The following LMX1B variants were observed in gnomAD, a reference collection of about 807,000 sequenced individuals.
The protein encoded by LMX1B is LIM homeobox transcription factor 1-beta.
In LMX1B, 12 loss-of-function variants were observed where a neutral mutation model predicts 51.4. The observed-to-expected ratio is 0.23, with a 90% CI of 0.15 to 0.38. The LOEUF is 0.38. LMX1B is among the 10% of genes least tolerant of loss of function. The pLI, the probability that LMX1B is intolerant of heterozygous loss-of-function variation, is 1.00. For synonymous variants in LMX1B, 237 were observed against 235.4 expected, an observed-to-expected ratio of 1.01 and a Z score of -0.06; for missense variants, 445 against 571.1, an observed-to-expected ratio of 0.78 and a Z score of 2.25.
Position 126,699,596 on chromosome 9 carries a change from T to C in LMX1B, c.*3145T>C, listed in dbSNP as rs548467801. ...GGCTCCCAGACACCAGTGCCCACTCTGCCCAGCCCCGGACTGGGTGTGGCT... is the reference window on the plus strand; with the variant it reads ...GGCTCCCAGACACCAGTGCCCACTCCGCCCAGCCCCGGACTGGGTGTGGCT... On this transcript the variant is annotated 3_prime_UTR_variant, in exon 8 of 8. Transcript: ENST00000373474. 1 of 152,824 alleles carries C rather than the reference T, an allele frequency of 6.5e-6. No homozygotes were observed. The highest frequency in any genetic ancestry group is 2.4e-5 in the African/African-American group (1 of 41,592). The allele number at this position is 152,824 out of a possible 1,614,324, so 9.5% of individuals were successfully genotyped here. A position where few individuals can be genotyped will look rare whatever the true frequency, so the allele number is the denominator to read the frequency against.
chr9:126,646,030 C>T (rs150266184), intron 2 of LMX1B, among the ~76,000 whole-genome samples: 8 of 152,210 alleles, frequency 5.3e-5, no homozygotes, highest in African/African-American at 1.4e-4. Flanking sequence ...CTTCCTGAGC[C>T]GATTATTAAA....
intron 2 of LMX1B, among the ~76,000 whole-genome samples, chr9:126,624,090 C>T (rs1480921116): frequency 6.6e-6 from 1 of 152,266 alleles, no homozygotes; most frequent in Non-Finnish European, 1.5e-5. Context: ...ACGGTCCTGC[C>T]CTTTCTAAAG....
chr9:126,664,360 G>A (rs574605834), intron 2 of LMX1B, among the ~76,000 whole-genome samples: 9 of 151,972 alleles, frequency 5.9e-5, no homozygotes, highest in East Asian at 5.8e-4. Flanking sequence ...AGTTACCCCC[G>A]CAGCGCAGCC....
chr9:126,694,875 G>T (rs1300921746), intron 6 of LMX1B, among the ~76,000 whole-genome samples: 1 of 152,004 alleles, frequency 6.6e-6, no homozygotes, highest in Non-Finnish European at 1.5e-5. Flanking sequence ...CCCTGAGAAG[G>T]TCCCACAGTC....
intron 3 of LMX1B, among the ~76,000 whole-genome samples, chr9:126,692,127 C>T (rs1413674771): frequency 6.6e-6 from 1 of 152,224 alleles, no homozygotes. Flanking sequence ...TTTCCATGGC[C>T]AGGGCCTGCG....
intron 6 of LMX1B, 176 bp downstream of exon 6, chr9:126,693,988 T>G (rs566125098): frequency 2.6e-4 from 152 of 583,848 alleles, no homozygotes; most frequent in Admixed American, 1.3e-3. Flanking sequence ...GATGTTTCTT[T>G]TAACAAAACT....
chr9:126,696,170 C>T lies in LMX1B; in HGVS notation c.1052-124C>T, dbSNP rs572505015. 17 of 1,187,690 alleles carry T rather than the reference C, an allele frequency of 1.4e-5. 1 individual carries two copies. Among genetic ancestry groups the T allele is most frequent in the East Asian group, 9.3e-5 (4 of 42,864 alleles). 73.6% of individuals were successfully genotyped at this position (1,187,690 alleles called of 1,614,324 possible). A position where few individuals can be genotyped will look rare whatever the true frequency, so the allele number is the denominator to read the frequency against. On this transcript the variant is annotated intron_variant, in intron 7 of 7. Coordinates refer to ENST00000373474, the MANE Select transcript of LMX1B (RefSeq NM_001174147.2). ...AGGAAGGGCCCCAGTCCTTCTTGGC[C>T]GGCACTAGTCAGCAGGCCATCCTGT...
Position 126,693,568 on chromosome 9 carries a change from G to A in LMX1B, c.786G>A (p.Val262=), listed in dbSNP as rs746795586. 3 of 1,614,180 alleles carry A rather than the reference G, an allele frequency of 1.9e-6. No homozygotes were observed. The highest frequency in any genetic ancestry group is 1.1e-5 in the South Asian group (1 of 91,084). The change falls in exon 5 of 8, where the codon GTG becomes GTA. Residue 262 remains valine, a synonymous_variant. Transcript: ENST00000373474. ...CTGAGACGGGCCTCAGTGTGCGCGT[G>A]GTCCAGGTCTGGTTTCAGAACCAAA... ...LAAETGLSVR[V]VQVWFQNQRA... is the part of the protein sequence containing the mutation.
intron 2 of LMX1B, among the ~76,000 whole-genome samples, chr9:126,623,317 C>A (rs1390852353): frequency 6.6e-6 from 1 of 152,160 alleles, no homozygotes; most frequent in Non-Finnish European, 1.5e-5. Flanking sequence ...CCATTTTTTC[C>A]AAGAGACTCC....
rs1836175191 is a variant in LMX1B at position 126,658,990 on chromosome 9, AG to A, written c.327-31841del. The stretch of plus-strand genomic sequence containing the variant: ...GGATACAGGGTGGGAGGGACCCTTC[AG>A]GGGGCTGAGAGGCGGGTGTTCTGGG... On this transcript the variant is annotated intron_variant, in intron 2 of 7. Transcript: ENST00000373474. This position sits in a 1 kb window ranked among gnomAD's most constrained non-coding sequence, Gnocchi z 4.0. Among the ~76,000 whole-genome samples, 1 of 152,174 alleles carries A rather than the reference AG, an allele frequency of 6.6e-6. No homozygotes were observed. The highest frequency in any genetic ancestry group is 1.5e-5 in the Non-Finnish European group (1 of 68,022).
At chr9:126,634,969 C>T (rs1329112471) in intron 2 of LMX1B, among the ~76,000 whole-genome samples, 3 of 152,176 alleles carry the variant, frequency 2.0e-5, no homozygotes, top group Admixed American at 2.0e-4. Context: ...CCCTGGCTGT[C>T]CTCTCACCCT....
At chr9:126,660,711 C>A (rs1264401642) in intron 2 of LMX1B, among the ~76,000 whole-genome samples, 1 of 152,186 alleles carries the variant, frequency 6.6e-6, no homozygotes, top group Non-Finnish European at 1.5e-5. Flanking sequence ...CTGATGTGAA[C>A]CCTTGGGGTG....
At chr9:126,692,661 C>T (rs2030173362) in intron 3 of LMX1B, among the ~76,000 whole-genome samples, 1 of 152,254 alleles carries the variant, frequency 6.6e-6, no homozygotes, top group South Asian at 2.1e-4. Context: ...ACGCTGTGGT[C>T]AGAAGCACTC....
intron 2 of LMX1B, among the ~76,000 whole-genome samples, chr9:126,672,280 TAGC>T (rs1836472932): frequency 6.6e-6 from 1 of 152,192 alleles, no homozygotes; most frequent in Non-Finnish European, 1.5e-5. Context: ...CAGTGTCTGG[TAGC>T]TCCCCCTGCC....
At chr9:126,657,011 T>C (rs7864957) in intron 2 of LMX1B, among the ~76,000 whole-genome samples, 76,017 of 152,164 alleles carry the variant, frequency 0.5, 19,738 homozygotes, top group Non-Finnish European at 0.56. Flanking sequence ...TTTTTCCTAT[T>C]GCCTGATGAA....
At chr9:126,693,414 G>A in intron 4 of LMX1B, 91 bp downstream of exon 4, 2 of 1,540,764 alleles carry the variant, frequency 1.3e-6, no homozygotes, top group Non-Finnish European at 1.8e-6. Context: ...TGGGGGTAGG[G>A]ACATCCCTCC....
intron 2 of LMX1B, among the ~76,000 whole-genome samples, chr9:126,647,732 C>T (rs986563343): frequency 2.0e-5 from 3 of 152,242 alleles, no homozygotes; most frequent in African/African-American, 7.2e-5. Context: ...AGCCCTGGCC[C>T]AAGCATGAGG....
chr9:126,671,867 TC>T lies in LMX1B; in HGVS notation c.327-18966del, dbSNP rs1294978788. 6.6e-6 allele frequency among the ~76,000 whole-genome samples: 1 copy of T among 152,038 alleles called. No homozygotes were observed. Among genetic ancestry groups the T allele is most frequent in the Non-Finnish European group, 1.5e-5 (1 of 67,954 alleles). On this transcript the variant is annotated intron_variant, in intron 2 of 7. Transcript: ENST00000373474. The surrounding 1 kb of genome is among the most constrained non-coding windows in gnomAD (Gnocchi z 4.4). ...CCACTTGGCCAGGCCTCCACTCCCC[TC>T]CCTCCAGAGGGGCAGAGAGGGAATA...
chr9:126,679,315 T>C (rs1208381114), intron 2 of LMX1B, among the ~76,000 whole-genome samples: 1 of 151,966 alleles, frequency 6.6e-6, no homozygotes, highest in Non-Finnish European at 1.5e-5. Flanking sequence ...GGATAGCTGG[T>C]GGAGAGGGTG....
Sources: allele counts gnomAD v4.1 joint callset (sites outside exome capture counted in the v4.1 genomes callset), GRCh38; gene constraint gnomAD v4.1.1; non-coding constraint Gnocchi (gnomAD v3.1); transcripts MANE v1.5; gene names NCBI Gene and HGNC (gene_info 2026-07-23, HGNC 2026-07-21).